COL21A1: variants seen among roughly 807,000 people sequenced by gnomAD.
The protein encoded by COL21A1 is collagen type XXI alpha 1 chain, also known as collagen alpha-1(XXI) chain.
In COL21A1, 149 loss-of-function variants were observed where a neutral mutation model predicts 137.9. That is an observed-to-expected ratio of 1.08 (90% CI 0.95 to 1.24). The LOEUF (loss-of-function observed/expected upper bound fraction) is 1.24. COL21A1 is among the 50% of genes most tolerant of loss of function. The probability of loss-of-function intolerance (pLI) is 0.00; values close to 1 mark genes in which losing one functional copy is unlikely to be tolerated. For missense variants in COL21A1, 1,167 were observed against 1,158.4 expected, an observed-to-expected ratio of 1.01 and a Z score of -0.11; for synonymous variants, 456 against 391.5, an observed-to-expected ratio of 1.16 and a Z score of -1.95.
chr6:56,059,997 T>A, intron 28 of COL21A1, 21 bp downstream of exon 28: 2 of 1,553,956 alleles, frequency 1.3e-6, no homozygotes, highest in South Asian at 2.4e-5. Flanking sequence ...ATTCATTTTC[T>A]TGTTGAAACT....
At position 56,304,476 on chromosome 6, in the gene COL21A1, G is replaced by A. The variant is rs1027513385; in HGVS notation, c.-39+89495C>T. On this transcript the variant is annotated intron_variant, in intron 1 of 28. Coordinates refer to the COL21A1 transcript ENST00000370819. ...TTAGTCTTGGGAGGGTGTATGTGTCGAGGAATTTATCCATTTCTTCTAGAT... is the reference window on the plus strand; with the variant it reads ...TTAGTCTTGGGAGGGTGTATGTGTCAAGGAATTTATCCATTTCTTCTAGAT... 6.6e-5 allele frequency among the ~76,000 whole-genome samples: 10 copies of A among 152,172 alleles called. 1 individual carries two copies. The highest frequency in any genetic ancestry group is 1.9e-4 in the African/African-American group (8 of 41,504).
chr6:56,380,821 G>T (rs2094007510), intron 1 of COL21A1, among the ~76,000 whole-genome samples: 1 of 152,172 alleles, frequency 6.6e-6, no homozygotes, highest in Non-Finnish European at 1.5e-5. Flanking sequence ...GAAAATCCAG[G>T]TGTTAGATAA....
chr6:56,215,153 G>A (rs754569203), intron 1 of COL21A1, among the ~76,000 whole-genome samples: 19 of 151,870 alleles, frequency 1.3e-4, no homozygotes, highest in East Asian at 1.9e-4. Context: ...TTTTATTTCC[G>A]TCCCCTCATG....
Position 56,179,603 on chromosome 6 carries a change from T to G in COL21A1, c.615A>C (p.Glu205Asp), listed in dbSNP as rs758003301. The change falls in exon 3 of 30, where the codon GAA becomes GAC. Residue 205 changes from glutamate (E) to aspartate (D), a missense_variant. By Grantham distance (45) the Glu-to-Asp change is conservative (BLOSUM62 2). Coordinates refer to ENST00000244728, the MANE Select transcript of COL21A1 (RefSeq NM_030820.4). Reference protein sequence around the residue: ...EDYIAISKIREVMKQKLCEES... With the variant: ...EDYIAISKIRDVMKQKLCEES... ...CTTCACAAAGTTTCTGCTTCATCAC[T>G]TCCCTTATTTTGGATATTGCAATAT... The G allele has an allele frequency of 2.5e-5, 40 of 1,610,722 alleles. No homozygotes were observed. The highest frequency in any genetic ancestry group is 3.1e-5 in the Non-Finnish European group (37 of 1,177,500).
At chr6:56,332,656 CTT>C in intron 1 of COL21A1, among the ~76,000 whole-genome samples, 1 of 150,272 alleles carries the variant, frequency 6.7e-6, no homozygotes, top group African/African-American at 2.5e-5. Context: ...TGTTTATTCT[CTT>C]GTCACCATTT....
intron 17 of COL21A1, among the ~76,000 whole-genome samples, chr6:56,089,015 G>A (rs971869968): frequency 2.6e-5 from 4 of 152,014 alleles, no homozygotes; most frequent in African/African-American, 9.7e-5. Flanking sequence ...CAAACTCCTG[G>A]GCTTGGTCAA....
intron 1 of COL21A1, among the ~76,000 whole-genome samples, chr6:56,331,014 T>C (rs1005365155): frequency 1.3e-5 from 2 of 152,130 alleles, no homozygotes; most frequent in African/African-American, 4.8e-5. Context: ...TGGTATCTCA[T>C]TGTCATTTTA....
At chr6:56,163,705 T>A (rs1226450740) in intron 9 of COL21A1, among the ~76,000 whole-genome samples, 4 of 63,030 alleles carry the variant, frequency 6.3e-5, no homozygotes, top group African/African-American at 3.6e-4. Flanking sequence ...AGGCTCCGTC[T>A]CAAAAAAAAA....
At chr6:56,138,029 G>A (rs1355818232) in intron 12 of COL21A1, among the ~76,000 whole-genome samples, 1 of 152,116 alleles carries the variant, frequency 6.6e-6, no homozygotes, top group Non-Finnish European at 1.5e-5. Context: ...AAAATCCTCT[G>A]AGGAAAGGAT....
intron 12 of COL21A1, among the ~76,000 whole-genome samples, chr6:56,140,369 A>G (rs1261446517): frequency 6.6e-6 from 1 of 152,186 alleles, no homozygotes; most frequent in Non-Finnish European, 1.5e-5. Context: ...AACAAATGTT[A>G]AAGTCAGAAA....
intron 1 of COL21A1, among the ~76,000 whole-genome samples, chr6:56,324,800 A>G (rs923897419): frequency 6.6e-6 from 1 of 152,196 alleles, no homozygotes; most frequent in East Asian, 1.9e-4. Context: ...TTTGAAAAAT[A>G]GCACGTGCAG....
intron 17 of COL21A1, among the ~76,000 whole-genome samples, chr6:56,092,602 G>T (rs1768946912): frequency 6.6e-6 from 1 of 152,086 alleles, no homozygotes; most frequent in South Asian, 2.1e-4. Flanking sequence ...CTTTCAAATT[G>T]TCATTGAAAC....
intron 3 of COL21A1, among the ~76,000 whole-genome samples, chr6:56,176,601 A>AAAGG (rs1554152883): frequency 7.1e-6 from 1 of 140,732 alleles, no homozygotes; most frequent in Non-Finnish European, 1.5e-5. Flanking sequence ...ATTACCAAAA[A>AAAGG]AAAGAAAGAA....
intron 1 of COL21A1, among the ~76,000 whole-genome samples, chr6:56,212,991 T>C (rs1780266490): frequency 1.3e-5 from 2 of 152,100 alleles, no homozygotes; most frequent in South Asian, 2.1e-4. Flanking sequence ...TGCCATCATA[T>C]GAATTTAAGC....
intron 1 of COL21A1, among the ~76,000 whole-genome samples, chr6:56,386,411 G>A (rs908924675): frequency 3.3e-5 from 5 of 152,150 alleles, no homozygotes; most frequent in Non-Finnish European, 5.9e-5. Flanking sequence ...TTTCTTCTAT[G>A]TACAAGTGTT....
intron 17 of COL21A1, among the ~76,000 whole-genome samples, chr6:56,094,482 T>C (rs1769145417): frequency 6.6e-6 from 1 of 152,162 alleles, no homozygotes; most frequent in Non-Finnish European, 1.5e-5. Flanking sequence ...CATTCATATG[T>C]CTACCAGTAG....
chr6:56,058,353 A>T (rs1306246182), intron 29 of COL21A1, among the ~76,000 whole-genome samples: 1 of 152,180 alleles, frequency 6.6e-6, no homozygotes, highest in Non-Finnish European at 1.5e-5. Context: ...ACTCATAGGT[A>T]TTAAAGCCCT....
intron 1 of COL21A1, among the ~76,000 whole-genome samples, chr6:56,362,075 A>AC (rs1157392917): frequency 6.6e-6 from 1 of 151,756 alleles, no homozygotes; most frequent in African/African-American, 2.4e-5. Flanking sequence ...TGCCCAATCC[A>AC]CCCCCGACCC....
At chr6:56,070,702 A>G (rs897508872) in intron 21 of COL21A1, 43 bp downstream of exon 21, 4 of 1,352,792 alleles carry the variant, frequency 3.0e-6, no homozygotes, top group Non-Finnish European at 3.1e-6. Context: ...GGGAATTTAC[A>G]TTATAATTTC....
Sources: gnomAD v4.1 joint callset for allele counts (sites outside exome capture counted in the v4.1 genomes callset) on GRCh38, gnomAD v4.1.1 for gene constraint, MANE v1.5 for transcripts, NCBI Gene and HGNC (gene_info 2026-07-23, HGNC 2026-07-21) for gene names.